KCNJ3: variants seen among roughly 807,000 people sequenced by gnomAD.
KCNJ3 encodes the protein G protein-activated inward rectifier potassium channel 1.
In KCNJ3, 4 loss-of-function variants were observed where a neutral mutation model predicts 39.2. That is an observed-to-expected ratio of 0.10 (90% CI 0.05 to 0.23). KCNJ3 has a LOEUF of 0.23. Ranked by LOEUF, KCNJ3 falls within the 10% of genes least tolerant of loss-of-function variation. The probability of loss-of-function intolerance (pLI) is 1.00; values close to 1 mark genes in which losing one functional copy is unlikely to be tolerated. For synonymous variants in KCNJ3, 230 were observed against 237.4 expected (o/e 0.97, Z 0.29); for missense variants, 276 against 634.9 (o/e 0.43, Z 6.08).
intron 2 of KCNJ3, among the ~76,000 whole-genome samples, chr2:154,808,443 G>A (rs1295568249): frequency 6.6e-6 from 1 of 152,032 alleles, no homozygotes; most frequent in Admixed American, 6.6e-5. Context: ...TGCCTCATGT[G>A]GGCCTCTATC....
chr2:154,763,222 T>G (rs890742661), intron 2 of KCNJ3, among the ~76,000 whole-genome samples: 1 of 152,174 alleles, frequency 6.6e-6, no homozygotes, highest in African/African-American at 2.4e-5. Flanking sequence ...TAATCTAGTC[T>G]CTTGTCTGTG....
rs142524429 is a variant in KCNJ3 at position 154,756,302 on chromosome 2, A to G, written c.919+46483A>G. On this transcript the variant is annotated intron_variant, in intron 2 of 2. Transcript: ENST00000295101. ...GACAAGGTTCTAGCTAAAATACTTT[A>G]CACTTGGTATTTTATTTTTCAAAAC... is the stretch of plus-strand genomic sequence containing the variant. 9.2e-5 allele frequency among the ~76,000 whole-genome samples: 14 copies of G among 152,258 alleles called. No homozygotes were observed. In the East Asian group the frequency reaches 2.5e-3, roughly 27 times the overall value.
intron 2 of KCNJ3, among the ~76,000 whole-genome samples, chr2:154,782,171 C>T (rs908132628): frequency 3.9e-5 from 6 of 152,040 alleles, no homozygotes; most frequent in Admixed American, 1.3e-4. Context: ...CATTGTAATG[C>T]GTCAGAAGAA....
chr2:154,749,381 G>C (rs1341339847), intron 2 of KCNJ3, among the ~76,000 whole-genome samples: 1 of 152,088 alleles, frequency 6.6e-6, no homozygotes, highest in Non-Finnish European at 1.5e-5. Flanking sequence ...TATGGTTCCT[G>C]CAGGTAGTCA....
intron 2 of KCNJ3, among the ~76,000 whole-genome samples, chr2:154,728,699 G>A (rs1178073626): frequency 6.6e-6 from 1 of 152,132 alleles, no homozygotes; most frequent in African/African-American, 2.4e-5. Flanking sequence ...TGAGGAATAA[G>A]CATCTGTGGT....
chr2:154,731,563 T>A (rs1033126206), intron 2 of KCNJ3, among the ~76,000 whole-genome samples: 2 of 152,014 alleles, frequency 1.3e-5, no homozygotes, highest in Admixed American at 6.6e-5. Context: ...TTAAGGCAAA[T>A]AACTTCTTTG....
intron 2 of KCNJ3, among the ~76,000 whole-genome samples, chr2:154,849,018 C>A (rs145992073): frequency 6.6e-6 from 1 of 152,222 alleles, no homozygotes; most frequent in Non-Finnish European, 1.5e-5. Context: ...TCTTTTGTTT[C>A]TTCTTTTGCC....
intron 2 of KCNJ3, among the ~76,000 whole-genome samples, chr2:154,726,519 A>G (rs1159980941): frequency 6.6e-6 from 1 of 152,172 alleles, no homozygotes; most frequent in Non-Finnish European, 1.5e-5. Context: ...GTGGGAATGT[A>G]AACTAGTACA....
intron 2 of KCNJ3, among the ~76,000 whole-genome samples, chr2:154,732,490 CA>C (rs1324168519): frequency 1.3e-5 from 2 of 152,008 alleles, no homozygotes; most frequent in Non-Finnish European, 1.5e-5. Flanking sequence ...GAAAAAGACT[CA>C]AAAGGCTTGT....
intron 2 of KCNJ3, among the ~76,000 whole-genome samples, chr2:154,834,758 A>G (rs1687421737): frequency 6.6e-6 from 1 of 152,036 alleles, no homozygotes. Context: ...TAAAAAATAG[A>G]ATAAGTCATT....
chr2:154,801,520 T>C (rs1454327862), intron 2 of KCNJ3, among the ~76,000 whole-genome samples: 1 of 151,394 alleles, frequency 6.6e-6, no homozygotes, highest in African/African-American at 2.4e-5. Flanking sequence ...TTCTTTTCTT[T>C]CTTTCCTTCT....
intron 2 of KCNJ3, among the ~76,000 whole-genome samples, chr2:154,779,718 A>G (rs1010634032): frequency 1.2e-4 from 18 of 151,062 alleles, no homozygotes; most frequent in Non-Finnish European, 2.7e-4. Flanking sequence ...TAATTTTTGT[A>G]TTTTTAGTAA....
At chr2:154,760,742 T>C (rs1241828178) in intron 2 of KCNJ3, among the ~76,000 whole-genome samples, 3 of 145,070 alleles carry the variant, frequency 2.1e-5, no homozygotes, top group East Asian at 3.9e-4. Context: ...TTTCTTTTTT[T>C]TTTTTTTTTT....
At chr2:154,727,649 G>C (rs1221846696) in intron 2 of KCNJ3, among the ~76,000 whole-genome samples, 1 of 148,508 alleles carries the variant, frequency 6.7e-6, no homozygotes, top group African/African-American at 2.5e-5. Flanking sequence ...TTTTAAAACT[G>C]TTCCTTTTAG....
chr2:154,783,691 G>A (rs370965768), intron 2 of KCNJ3, among the ~76,000 whole-genome samples: 1 of 152,076 alleles, frequency 6.6e-6, no homozygotes, highest in Non-Finnish European at 1.5e-5. Context: ...TCCCAAGTTG[G>A]CACAGCTGCT....
intron 2 of KCNJ3, among the ~76,000 whole-genome samples, chr2:154,795,355 T>G (rs2105213093): frequency 6.6e-6 from 1 of 152,088 alleles, no homozygotes; most frequent in Non-Finnish European, 1.5e-5. Flanking sequence ...AAATGTTGAT[T>G]TCGCTATCAA....
At chr2:154,824,117 T>C (rs571075329) in intron 2 of KCNJ3, among the ~76,000 whole-genome samples, 12 of 152,192 alleles carry the variant, frequency 7.9e-5, no homozygotes, top group African/African-American at 2.6e-4. Flanking sequence ...GATGGATTGC[T>C]TGAGCTCAGG....
At chr2:154,729,371 G>A (rs1228045987) in intron 2 of KCNJ3, among the ~76,000 whole-genome samples, 1 of 152,104 alleles carries the variant, frequency 6.6e-6, no homozygotes, top group Non-Finnish European at 1.5e-5. Flanking sequence ...GCAATAAAAT[G>A]TCATAAAGTG....
chr2:154,709,648 G>T lies in KCNJ3; in HGVS notation c.748G>T (p.Glu250Ter). 1 of 1,613,876 alleles carries T rather than the reference G, an allele frequency of 6.2e-7. No homozygotes were observed. Among genetic ancestry groups the T allele is most frequent in the South Asian group, 1.1e-5 (1 of 91,082 alleles). Residue 250 changes from glutamate (E) to a stop codon, truncating the protein, a stop_gained, in exon 2 of 3, where the codon GAA becomes TAA. Coordinates refer to ENST00000295101, the MANE Select transcript of KCNJ3 (RefSeq NM_002239.4). LOFTEE classifies it high-confidence loss of function. ...TGAGTTCCTTCCCCTTGACCAACTT[G>T]AACTGGATGTAGGTTTTAGTACAGG... ...EGEFLPLDQL[E>*]LDVGFSTGAD...
Sources: allele counts gnomAD v4.1 joint callset (sites outside exome capture counted in the v4.1 genomes callset), GRCh38; gene constraint gnomAD v4.1.1; transcripts MANE v1.5; gene names NCBI Gene and HGNC (gene_info 2026-07-23, HGNC 2026-07-21).